Variants in SEMA6D observed in about 807,000 individuals in gnomAD.
SEMA6D encodes semaphorin 6D, also known as semaphorin-6D.
Under a neutral mutation model 106.6 loss-of-function variants are expected in SEMA6D, and 35 were observed. The observed-to-expected ratio is 0.33, with a 90% CI of 0.25 to 0.44. The LOEUF (loss-of-function observed/expected upper bound fraction) is 0.44. Among genes scored for constraint, SEMA6D ranks in the 20% least tolerant of loss-of-function variants. SEMA6D has a pLI of 1.00. For missense variants in SEMA6D, 1,185 were observed against 1,345.9 expected (o/e 0.88, Z 1.87); for synonymous variants, 499 against 487.7 (o/e 1.02, Z -0.31).
intron 3 of SEMA6D, among the ~76,000 whole-genome samples, chr15:47,524,364 A>ACTTGCCTGCATACCGTTCCCC (rs2044685033): frequency 6.6e-6 from 1 of 152,154 alleles, no homozygotes; most frequent in African/African-American, 2.4e-5. Context: ...CTGTGTTTCC[A>ACTTGCCTGCATACCGTTCCCC]CTTGCCTGCA....
chr15:47,473,395 TC>T (rs2042909690), intron 3 of SEMA6D, among the ~76,000 whole-genome samples: 1 of 152,010 alleles, frequency 6.6e-6, no homozygotes, highest in Non-Finnish European at 1.5e-5. Flanking sequence ...CCAGGGGAGT[TC>T]CTGAGCCAAG....
intron 4 of SEMA6D, among the ~76,000 whole-genome samples, chr15:47,704,492 G>A (rs1253469508): frequency 1.3e-5 from 2 of 152,120 alleles, no homozygotes; most frequent in Non-Finnish European, 2.9e-5. Flanking sequence ...GCCAAAATGG[G>A]CAGATCACTT....
At chr15:47,666,939 C>T (rs139801832) in intron 4 of SEMA6D, among the ~76,000 whole-genome samples, 186 of 152,248 alleles carry the variant, frequency 1.2e-3, no homozygotes, top group African/African-American at 4.4e-3. Context: ...GTGCCCAAGC[C>T]ACATGGAGAG....
intron 1 of SEMA6D, among the ~76,000 whole-genome samples, chr15:47,212,177 A>G (rs1011996994): frequency 2.0e-5 from 3 of 152,236 alleles, no homozygotes; most frequent in Non-Finnish European, 4.4e-5. Flanking sequence ...CACCAGCTAC[A>G]AAGCTTAGGA....
At chr15:47,293,492 G>T (rs2035676662) in intron 1 of SEMA6D, among the ~76,000 whole-genome samples, 1 of 152,154 alleles carries the variant, frequency 6.6e-6, no homozygotes, top group African/African-American at 2.4e-5. Context: ...GGTTAATAAA[G>T]GCTGGACTCT....
At chr15:47,631,299 T>C (rs1027119923) in intron 4 of SEMA6D, among the ~76,000 whole-genome samples, 1 of 151,902 alleles carries the variant, frequency 6.6e-6, no homozygotes, top group South Asian at 2.1e-4. Context: ...GTCTGTGTTA[T>C]TTTGGTTTGA....
At chr15:47,282,376 A>G (rs2035165776) in intron 1 of SEMA6D, among the ~76,000 whole-genome samples, 2 of 152,038 alleles carry the variant, frequency 1.3e-5, no homozygotes, top group Admixed American at 1.3e-4. Context: ...ATTAATCCTG[A>G]TTTTCACAAT....
At chr15:47,379,423 G>A (rs2039562379) in intron 1 of SEMA6D, among the ~76,000 whole-genome samples, 1 of 152,132 alleles carries the variant, frequency 6.6e-6, no homozygotes, top group South Asian at 2.1e-4. Flanking sequence ...TAGAGAAGAA[G>A]CAGTATTTGC....
chr15:47,185,046 G>T (rs1893463613), intron 1 of SEMA6D, among the ~76,000 whole-genome samples: 1 of 152,080 alleles, frequency 6.6e-6, no homozygotes, highest in Non-Finnish European at 1.5e-5. Flanking sequence ...GGAGCGTCCC[G>T]CGCTAGCGGG....
intron 3 of SEMA6D, among the ~76,000 whole-genome samples, chr15:47,509,129 C>T (rs1159234159): frequency 6.6e-6 from 1 of 152,128 alleles, no homozygotes; most frequent in Non-Finnish European, 1.5e-5. Flanking sequence ...CTTCCACACC[C>T]ATACAGCTAG....
At chr15:47,497,591 C>T (rs1035970674) in intron 3 of SEMA6D, among the ~76,000 whole-genome samples, 1 of 152,072 alleles carries the variant, frequency 6.6e-6, no homozygotes, top group South Asian at 2.1e-4. Context: ...TGATGGCAGA[C>T]ATCTCCCTAG....
At chr15:47,485,030 A>G (rs2043257203) in intron 3 of SEMA6D, among the ~76,000 whole-genome samples, 1 of 152,196 alleles carries the variant, frequency 6.6e-6, no homozygotes, top group East Asian at 1.9e-4. Context: ...AATACATCTT[A>G]AAATAATGTA....
Position 47,348,028 on chromosome 15 carries a change from G to A in SEMA6D, c.-238-64365G>A, listed in dbSNP as rs1197804935. Among the ~76,000 whole-genome samples the A allele has an allele frequency of 3.3e-5, 5 of 152,006 alleles. No homozygotes were observed. The South Asian group carries it at 6.2e-4, about 19-fold the overall frequency. On this transcript the variant is annotated intron_variant, in intron 1 of 19. Coordinates refer to the SEMA6D transcript ENST00000558014. ...CCTGTTTTTCTTCCATTAAAATCTTGTTCATTTGATGTAGCTCAATAATAA... is the reference window on the plus strand; with the variant it reads ...CCTGTTTTTCTTCCATTAAAATCTTATTCATTTGATGTAGCTCAATAATAA...
intron 4 of SEMA6D, among the ~76,000 whole-genome samples, chr15:47,635,605 A>C (rs999709205): frequency 6.6e-6 from 1 of 152,214 alleles, no homozygotes; most frequent in Non-Finnish European, 1.5e-5. Flanking sequence ...TCGAAAAATG[A>C]GAGCAGTCTT....
intron 2 of SEMA6D, among the ~76,000 whole-genome samples, chr15:47,460,592 C>T (rs2042477392): frequency 6.6e-6 from 1 of 152,034 alleles, no homozygotes; most frequent in Non-Finnish European, 1.5e-5. Context: ...ATCAGTGATT[C>T]ATTAGTGTTA....
chr15:47,765,822 A>G (rs775760207), intron 13 of SEMA6D, 47 bp from the exon 14 acceptor site: 5 of 1,455,694 alleles, frequency 3.4e-6, no homozygotes, highest in Non-Finnish European at 4.5e-6. Context: ...AGCAAACCAC[A>G]CTTGACTGAC....
At chr15:47,546,200 A>G (rs1447848361) in intron 3 of SEMA6D, among the ~76,000 whole-genome samples, 2 of 152,132 alleles carry the variant, frequency 1.3e-5, no homozygotes, top group East Asian at 3.9e-4. Flanking sequence ...AAGAGGTGCA[A>G]AGTAGTGTGA....
At chr15:47,520,516 C>G (rs1467371003) in intron 3 of SEMA6D, among the ~76,000 whole-genome samples, 2 of 152,154 alleles carry the variant, frequency 1.3e-5, no homozygotes, top group African/African-American at 4.8e-5. Context: ...ATTGAGCTAC[C>G]AAAAGTTTGA....
rs932830410 is a variant in SEMA6D, at chr15:47,193,467, G to A, written c.-239+9049G>A. On this transcript the variant is annotated intron_variant, in intron 1 of 19. Transcript: ENST00000558014. ...AAAAGATCTAAAATCTGAAACACTT[G>A]TAATCTCAAGAATAAGGAATACTGA... Among the ~76,000 whole-genome samples the A allele has an allele frequency of 3.0e-4, 46 of 152,036 alleles. 1 individual carries two copies. The highest frequency in any genetic ancestry group is 1.1e-3 in the African/African-American group (45 of 41,388).
Sources: allele counts gnomAD v4.1 joint callset (sites outside exome capture counted in the v4.1 genomes callset), GRCh38; gene constraint gnomAD v4.1.1; transcripts MANE v1.5; gene names NCBI Gene and HGNC (gene_info 2026-07-23, HGNC 2026-07-21).